TERF1: variants seen among roughly 807,000 people sequenced by gnomAD.
TERF1 encodes telomeric repeat-binding factor 1.
TERF1 carries 20 observed loss-of-function variants against 55.1 expected under a neutral mutation model. The ratio of observed to expected loss-of-function variants is 0.36; its 90% CI spans 0.26 to 0.53. TERF1 has a LOEUF of 0.53. Ranked by LOEUF, TERF1 falls within the 20% of genes least tolerant of loss-of-function variation. The pLI is 0.91. For synonymous variants in TERF1, 168 were observed against 181.2 expected (o/e 0.93, Z 0.59); for missense variants, 439 against 535.7 (o/e 0.82, Z 1.78).
intron 2 of TERF1, among the ~76,000 whole-genome samples, chr8:73,015,619 C>T (rs1808470173): frequency 6.6e-6 from 1 of 151,798 alleles, no homozygotes; most frequent in South Asian, 2.1e-4. Context: ...GAGCGGATCA[C>T]GAGGCCAGGC....
chr8:73,016,952 T>G (rs2129744217), intron 2 of TERF1, among the ~76,000 whole-genome samples: 1 of 152,304 alleles, frequency 6.6e-6, no homozygotes, highest in Middle Eastern at 3.4e-3. Context: ...TCTCTGGAAT[T>G]TTAGTTCATC....
At chr8:73,025,581 C>T (rs1165195941) in intron 5 of TERF1, among the ~76,000 whole-genome samples, 3 of 151,688 alleles carry the variant, frequency 2.0e-5, no homozygotes, top group South Asian at 2.1e-4. Context: ...GGTGAAACCC[C>T]GTCTCTCCTA....
intron 9 of TERF1, among the ~76,000 whole-genome samples, chr8:73,042,508 T>A (rs778483348): frequency 8.5e-5 from 13 of 152,150 alleles, no homozygotes; most frequent in African/African-American, 4.8e-5. Flanking sequence ...CTTGGACAGT[T>A]TTCTTTTGCT....
intron 9 of TERF1, among the ~76,000 whole-genome samples, chr8:73,044,513 C>G (rs1809957775): frequency 6.6e-6 from 1 of 152,056 alleles, no homozygotes; most frequent in Non-Finnish European, 1.5e-5. Flanking sequence ...GACAATTGAA[C>G]TGGATTTTTT....
At chr8:73,009,637 A>G (rs1808199125) in intron 1 of TERF1, 1 of 159,362 alleles carries the variant, frequency 6.3e-6, no homozygotes, top group Non-Finnish European at 1.4e-5. Context: ...TGCTGGCTCT[A>G]CAGCAGTTAC....
intron 4 of TERF1, among the ~76,000 whole-genome samples, chr8:73,024,596 TC>T (rs913208280): frequency 6.6e-6 from 1 of 152,160 alleles, no homozygotes; most frequent in African/African-American, 2.4e-5. Context: ...ATAATACATA[TC>T]TTTTTGAATC....
intron 1 of TERF1, among the ~76,000 whole-genome samples, chr8:73,013,454 C>G (rs1586026604): frequency 6.6e-6 from 1 of 152,276 alleles, no homozygotes; most frequent in Middle Eastern, 3.4e-3. Context: ...GACTCAACAT[C>G]TGGGTGGGCA....
chr8:73,032,120 A>G lies in TERF1; in HGVS notation c.1026A>G (p.Val342=), dbSNP rs755653230. The G allele has an allele frequency of 1.9e-6, 3 of 1,610,434 alleles. No homozygotes were observed. In the East Asian group the frequency reaches 6.7e-5, roughly 36 times the overall value. The change falls in exon 8 of 10, where the codon GTA becomes GTG. Residue 342 remains valine, a synonymous_variant. Coordinates refer to ENST00000276603, the MANE Select transcript of TERF1 (RefSeq NM_017489.3). ...ACCTTAATAAGAAAGAAAGAAGAGT[A>G]GGAACTCCTCAAAGTGAGTACTGTT... ...QQDLNKKERR[V]GTPQSTKKKK... is the part of the protein sequence containing the mutation.
chr8:73,039,274 G>A, intron 9 of TERF1, 55 bp downstream of exon 9: 3 of 1,221,174 alleles, frequency 2.5e-6, no homozygotes, highest in African/African-American at 3.1e-5. Flanking sequence ...GTTATAACTT[G>A]AATAATTGTG....
chr8:73,009,329 G>C (rs1213043579), intron 1 of TERF1, 124 bp downstream of exon 1: 1 of 878,028 alleles, frequency 1.1e-6, no homozygotes, highest in Non-Finnish European at 1.7e-6. Context: ...TTAGCTGGGA[G>C]TCCGAGGCTC....
intron 2 of TERF1, among the ~76,000 whole-genome samples, chr8:73,019,585 G>A (rs1173515078): frequency 6.6e-6 from 1 of 152,136 alleles, no homozygotes; most frequent in African/African-American, 2.4e-5. Flanking sequence ...ACGCTGGAAG[G>A]CTGTGGTGTC....
rs192020426 is a variant in TERF1 at position 73,012,601 on chromosome 8, A to C, written c.320-1294A>C. 551 of 166,602 alleles carry C rather than the reference A, an allele frequency of 3.3e-3. 7 individuals carry two copies. The highest frequency in any genetic ancestry group is 0.013 in the African/African-American group (525 of 41,714). The allele number at this position is 166,602 out of a possible 1,614,324, so 10.3% of individuals were successfully genotyped here. A position where few individuals can be genotyped will look rare whatever the true frequency, so the allele number is the denominator to read the frequency against. Reference sequence around the variant, plus strand: ...GGCAGAAGAATGGCATGAACCTGGGAGGCGGAGCTTGCAGTGAGTGGAGAT... The same window carrying C: ...GGCAGAAGAATGGCATGAACCTGGGCGGCGGAGCTTGCAGTGAGTGGAGAT... On this transcript the variant is annotated intron_variant, in intron 1 of 9. Coordinates refer to ENST00000276603, the MANE Select transcript of TERF1 (RefSeq NM_017489.3).
chr8:73,035,838 G>A (rs1458275303), intron 8 of TERF1, among the ~76,000 whole-genome samples: 1 of 152,104 alleles, frequency 6.6e-6, no homozygotes, highest in African/African-American at 2.4e-5. Context: ...TTGTAGTAGG[G>A]TAATCTTATT....
rs565451291 is a variant in TERF1, at chr8:73,037,883, TATG to T, written c.1040-1230_1040-1228del. Among the ~76,000 whole-genome samples, 34 of 119,660 alleles carry T rather than the reference TATG, an allele frequency of 2.8e-4. 1 individual carries two copies. Among genetic ancestry groups the T allele is most frequent in the Admixed American group, 2.7e-3 (23 of 8,526 alleles). The allele number at this position is 119,660 out of a possible 152,430, so 78.5% of individuals were successfully genotyped here. ...AAATATGATATATAATATATATAAA[TATG>T]ATATATAATATATATAAATATGATA... On this transcript the variant is annotated intron_variant, in intron 8 of 9. Transcript: ENST00000276603.
At chr8:73,032,711 AAACATT>A (rs1176261272) in intron 8 of TERF1, among the ~76,000 whole-genome samples, 3 of 152,158 alleles carry the variant, frequency 2.0e-5, no homozygotes, top group Non-Finnish European at 4.4e-5. Context: ...TACTTTTCAG[AAACATT>A]AAGTACAGTT....
At chr8:73,038,537 A>G (rs1033578849) in intron 8 of TERF1, among the ~76,000 whole-genome samples, 2 of 151,920 alleles carry the variant, frequency 1.3e-5, no homozygotes, top group South Asian at 2.1e-4. Context: ...TGTTTTAATT[A>G]AATTATTTTA....
chr8:73,023,553 C>T (rs576989161), intron 4 of TERF1, among the ~76,000 whole-genome samples: 8 of 152,006 alleles, frequency 5.3e-5, no homozygotes, highest in Non-Finnish European at 1.2e-4. Context: ...AGCCAATAGC[C>T]TGATATGTCT....
At position 73,015,230 on chromosome 8, in the gene TERF1, A is replaced by G. The variant is rs56186753; in HGVS notation, c.415+1240A>G. On this transcript the variant is annotated intron_variant, in intron 2 of 9. Transcript: ENST00000276603. ...GGCCAGGGTCAGCTGTCAAGAATCA[A>G]TGTATTTCACCATAATGCACTAAAC... 4.9e-3 allele frequency among the ~76,000 whole-genome samples: 747 copies of G among 152,052 alleles called. 8 individuals carry two copies. The highest frequency in any genetic ancestry group is 0.017 in the African/African-American group (694 of 41,468).
intron 2 of TERF1, among the ~76,000 whole-genome samples, chr8:73,018,659 G>A (rs1050179140): frequency 5.9e-5 from 9 of 152,126 alleles, no homozygotes; most frequent in African/African-American, 2.2e-4. Flanking sequence ...CTGGTCAAAA[G>A]AGCAAAGCAC....
Sources: allele counts gnomAD v4.1 joint callset (sites outside exome capture counted in the v4.1 genomes callset), GRCh38; gene constraint gnomAD v4.1.1; transcripts MANE v1.5; gene names NCBI Gene and HGNC (gene_info 2026-07-23, HGNC 2026-07-21).